HNRNPCL2: variants seen among roughly 807,000 people sequenced by gnomAD.
The protein encoded by HNRNPCL2 is heterogeneous nuclear ribonucleoprotein C-like 2.
HNRNPCL2 carries 17 observed loss-of-function variants against 18.2 expected under a neutral mutation model. The observed-to-expected ratio is 0.94, with a 90% confidence interval of 0.64 to 1.40. The LOEUF is 1.40. HNRNPCL2 is among the 40% of genes most tolerant of loss of function. The probability of loss-of-function intolerance (pLI) is 0.00; values close to 1 mark genes in which losing one functional copy is unlikely to be tolerated. For synonymous variants in HNRNPCL2, 133 were observed against 129.9 expected, an observed-to-expected ratio of 1.02 and a Z score of -0.16; for missense variants, 358 against 357.1, an observed-to-expected ratio of 1.00 and a Z score of -0.02.
rs111369527 is a variant in HNRNPCL2 at position 13,115,643 on chromosome 1, G to A, written c.758C>T (p.Pro253Leu). The A allele has an allele frequency of 3.7e-6, 6 of 1,613,400 alleles. No homozygotes were observed. Among genetic ancestry groups the A allele is most frequent in the African/African-American group, 1.3e-5 (1 of 74,478 alleles). Residue 253 changes from proline (P) to leucine (L), a missense_variant, in exon 2 of 2, where the codon CCA (proline) becomes CTA (leucine). By Grantham distance (98) the Pro-to-Leu change is moderately conservative. Coordinates refer to ENST00000621994, the MANE Select transcript of HNRNPCL2 (RefSeq NM_001136561.3). ...ATCTTCATTATCATCATCATCCAGT[G>A]GGTCCCCCTCCTCAGCAGAGTCTTC... is the stretch of plus-strand genomic sequence containing the variant. ...GAEDSAEEGD[P>L]LDDDDNEDQG...
In HNRNPCL2 at chr1:13,115,588, C is replaced by T. The variant is rs1291012793; in HGVS notation, c.813G>A (p.Lys271=). 2.5e-6 allele frequency: 4 copies of T among 1,613,468 alleles called. No individual in the cohort carries two copies. In the Admixed American group the frequency reaches 6.7e-5, roughly 27 times the overall value. Residue 271 remains lysine, a synonymous_variant, in exon 2 of 2, where the codon AAG becomes AAA. Transcript: ENST00000621994. ...CTTCCTCAGCATCTTTTTCATTATT[C>T]TTGATCAAATGAAGCTGGTTGTCCC... is the stretch of plus-strand genomic sequence containing the variant. ...DQGDNQLHLI[K]NNEKDAEEGE...
rs759176785 is a variant in HNRNPCL2 at position 13,115,747 on chromosome 1, A to G, written c.654T>C (p.Ala218=). ...TACTGCTCTGCTCCTCTTCTGACTT[A>G]GCATTTTTCACCTCTACCTCTTGTT... ...QSKQEVEVKN[A]KSEEEQSSSS... The change falls in exon 2 of 2, where the codon GCT becomes GCC. Residue 218 remains alanine, a synonymous_variant. Transcript: ENST00000621994. 2 of 1,613,524 alleles carry G rather than the reference A, an allele frequency of 1.2e-6. No individual in the cohort carries two copies. Among genetic ancestry groups the G allele is most frequent in the Admixed American group, 1.7e-5 (1 of 59,984 alleles).
In HNRNPCL2 at chr1:13,115,684, C is replaced by T. The variant is rs548009628; in HGVS notation, c.717G>A (p.Glu239=). 6.2e-7 allele frequency: 1 copy of T among 1,613,702 alleles called. No homozygotes were observed. The highest frequency in any genetic ancestry group is 2.2e-5 in the East Asian group (1 of 44,880). Residue 239 remains glutamate (E), a synonymous_variant, in exon 2 of 2, where the codon GAG becomes GAA. Transcript: ENST00000621994. ...CAGAGTCTTCTGCACCCCCCTCAGA[C>T]TCCATCTTTACATGAGTCTCATCTT... ...MKKDETHVKM[E]SEGGAEDSAE... is the part of the protein sequence containing the mutation.
rs200176197 is a variant in HNRNPCL2, at chr1:13,116,143, T to C, written c.258A>G (p.Ala86=). Residue 86 remains alanine, a synonymous_variant, in exon 2 of 2, where the codon GCA becomes GCG. Transcript: ENST00000621994. ...CGTTTCCTCGGTTCACTTTTGGCTC[T>C]GCAGCCAGGTTAATAACTGCAACCT... ...ASQVAVINLA[A]EPKVNRGNAG... is the part of the protein sequence containing the mutation. 6.0e-3 allele frequency: 9,422 copies of C among 1,578,710 alleles called. 382 individuals are homozygous for C. Among genetic ancestry groups the C allele is most frequent in the Middle Eastern group, 9.4e-3 (56 of 5,932 alleles).
intron 1 of HNRNPCL2, 54 bp downstream of exon 1, chr1:13,116,739 G>C (rs796958302): frequency 5.4e-6 from 2 of 367,548 alleles, no homozygotes; most frequent in East Asian, 5.2e-5. Flanking sequence ...CACCGTTCTA[G>C]ACCGGCTGAC....
At position 13,116,476 on chromosome 1, in the gene HNRNPCL2, C is replaced by G. The variant is rs1194576732; in HGVS notation, c.-76G>C. ...GAGAAGAGATTCGATTCTAAGTCTCCTACTGCCGGGTTCTACGGGGAGAAA... is the reference window on the plus strand; with the variant it reads ...GAGAAGAGATTCGATTCTAAGTCTCGTACTGCCGGGTTCTACGGGGAGAAA... On this transcript the variant is annotated 5_prime_UTR_variant, in exon 2 of 2. Coordinates refer to ENST00000621994, the MANE Select transcript of HNRNPCL2 (RefSeq NM_001136561.3). 1 of 1,524,046 alleles carries G rather than the reference C, an allele frequency of 6.6e-7. No homozygotes were observed. The highest frequency in any genetic ancestry group is 8.8e-7 in the Non-Finnish European group (1 of 1,137,560). The allele number at this position is 1,524,046 out of a possible 1,614,324, so 94.4% of individuals were successfully genotyped here.
At position 13,115,962 on chromosome 1, in the gene HNRNPCL2, G is replaced by A. The variant is rs373281747; in HGVS notation, c.439C>T (p.Arg147Cys). The change falls in exon 2 of 2, where the codon CGC becomes TGC. Residue 147 changes from arginine to cysteine, a missense_variant. Arg to Cys is a radical substitution (Grantham distance 180). Coordinates refer to ENST00000621994, the MANE Select transcript of HNRNPCL2 (RefSeq NM_001136561.3). Reference protein sequence around the residue: ...ALAVVPSKRQRISGNTSRRGK... With the variant: ...ALAVVPSKRQCISGNTSRRGK... ...CTTCGTGAGGTGTTTCCTGATATGCGCTGGCGTTTCGAGGGCACTACAGCC... is the reference window on the plus strand; with the variant it reads ...CTTCGTGAGGTGTTTCCTGATATGCACTGGCGTTTCGAGGGCACTACAGCC... 2.5e-6 allele frequency: 4 copies of A among 1,612,992 alleles called. No individual in the cohort carries two copies. The highest frequency in any genetic ancestry group is 3.4e-6 in the Non-Finnish European group (4 of 1,179,684).
At position 13,116,250 on chromosome 1, in the gene HNRNPCL2, C is replaced by T; in HGVS notation, c.151G>A (p.Gly51Ser). 1.9e-6 allele frequency: 3 copies of T among 1,612,482 alleles called. No individual in the cohort carries two copies. The South Asian group carries it at 3.3e-5, about 18-fold the overall frequency. Residue 51 changes from glycine to serine, a missense_variant, in exon 2 of 2, where the codon GGC (glycine) becomes AGC (serine). Physicochemically the swap from Gly to Ser is moderately conservative, Grantham distance 56. Transcript: ENST00000621994. ...TTATCATATTGAACGAAGGCAAAGCCCTTATGAACAGAGCAGCCCGCAATT... is the reference window on the plus strand; with the variant it reads ...TTATCATATTGAACGAAGGCAAAGCTCTTATGAACAGAGCAGCCCGCAATT... ...GKIAGCSVHK[G>S]FAFVQYDKEK...
Sources: gnomAD v4.1 joint callset for allele counts on GRCh38, gnomAD v4.1.1 for gene constraint, MANE v1.5 for transcripts, NCBI Gene and HGNC (gene_info 2026-07-23, HGNC 2026-07-21) for gene names.